CHRNA7: variants seen among roughly 807,000 people sequenced by gnomAD.
The protein encoded by CHRNA7 is cholinergic receptor nicotinic alpha 7 subunit.
In CHRNA7, 17 loss-of-function variants were observed where a neutral mutation model predicts 48.0. The ratio of observed to expected loss-of-function variants is 0.35; its 90% CI spans 0.24 to 0.53. CHRNA7 has a LOEUF of 0.53. CHRNA7 is among the 20% of genes least tolerant of loss of function. The pLI is 0.92. For missense variants in CHRNA7, 155 were observed against 577.7 expected, an observed-to-expected ratio of 0.27 and a Z score of 7.50; for synonymous variants, 75 against 242.3, an observed-to-expected ratio of 0.31 and a Z score of 6.41.
chr15:32,135,687 A>G (rs977762785), intron 4 of CHRNA7, among the ~76,000 whole-genome samples: 7 of 152,186 alleles, frequency 4.6e-5, no homozygotes, highest in Non-Finnish European at 8.8e-5. Context: ...ATGTAATAAT[A>G]TTGATGAAAA....
intron 4 of CHRNA7, among the ~76,000 whole-genome samples, chr15:32,137,357 G>A (rs1043226046): frequency 2.0e-5 from 3 of 149,314 alleles, no homozygotes; most frequent in African/African-American, 7.5e-5. Context: ...CACAAACACA[G>A]TAAGAAAAAC....
chr15:32,056,745 CT>C (rs1433851761), intron 2 of CHRNA7, among the ~76,000 whole-genome samples: 3 of 152,114 alleles, frequency 2.0e-5, no homozygotes, highest in Non-Finnish European at 4.4e-5. Flanking sequence ...TAACATTCTG[CT>C]TATGTTTCTA....
chr15:32,037,018 A>G (rs975030376), intron 2 of CHRNA7, among the ~76,000 whole-genome samples: 1 of 152,198 alleles, frequency 6.6e-6, no homozygotes, highest in Non-Finnish European at 1.5e-5. Flanking sequence ...ATCCAAGGTC[A>G]TACAGGTTTT....
intron 4 of CHRNA7, among the ~76,000 whole-genome samples, chr15:32,118,901 G>T (rs1286633840): frequency 6.6e-6 from 1 of 151,706 alleles, no homozygotes; most frequent in Non-Finnish European, 1.5e-5. Context: ...AACAGGCCCT[G>T]TGATATCAAG....
intron 3 of CHRNA7, 46 bp from the exon 4 acceptor site, chr15:32,111,744 A>G: frequency 8.8e-7 from 1 of 1,137,074 alleles, no homozygotes; most frequent in Non-Finnish European, 1.3e-6. Context: ...GAGAAATATT[A>G]GTAGCCAAGG....
chr15:32,102,072 A>G (rs1595447657), intron 3 of CHRNA7: 1 of 152,026 alleles, frequency 6.6e-6, no homozygotes, highest in Non-Finnish European at 1.5e-5. Context: ...TCTAGTTTCT[A>G]TACGGAATTT....
chr15:32,053,516 G>A (rs1324945369), intron 2 of CHRNA7, among the ~76,000 whole-genome samples: 1 of 152,128 alleles, frequency 6.6e-6, no homozygotes, highest in East Asian at 1.9e-4. Flanking sequence ...AATTCAAAAA[G>A]TATTGTAAAA....
chr15:32,031,169 A>C (rs1566788872), intron 2 of CHRNA7, 132 bp downstream of exon 2: 6 of 1,062,698 alleles, frequency 5.6e-6, no homozygotes, highest in Non-Finnish European at 8.2e-6. Flanking sequence ...AGGCAGGGCC[A>C]TGCTCTGAGT....
rs148536657 is a variant in CHRNA7 at position 32,167,499 on chromosome 15, A to G, written c.991-441A>G. The G allele has an allele frequency of 3.7e-3, 620 of 166,962 alleles. 14 individuals are homozygous for G. The highest frequency in any genetic ancestry group is 0.018 in the African/African-American group (588 of 33,574). The allele number at this position is 166,962 out of a possible 1,614,324, so 10.3% of individuals were successfully genotyped here. On this transcript the variant is annotated intron_variant, in intron 9 of 9. Coordinates refer to ENST00000306901, the MANE Select transcript of CHRNA7 (RefSeq NM_000746.6). ...ATCCTGGGATTGCATTTGAAAATGT[A>G]CAACCTCCCCCAGGCACTCTTTGCG...
chr15:32,139,042 C>G (rs1425141329), intron 4 of CHRNA7, among the ~76,000 whole-genome samples: 3 of 152,254 alleles, frequency 2.0e-5, no homozygotes, highest in Non-Finnish European at 4.4e-5. Context: ...GCGTGAGCCA[C>G]TGCGCCCGGC....
At chr15:32,137,335 A>ACCCC (rs75689039) in intron 4 of CHRNA7, among the ~76,000 whole-genome samples, 2 of 140,284 alleles carry the variant, frequency 1.4e-5, no homozygotes, top group African/African-American at 2.7e-5. Flanking sequence ...TGTTTACAAC[A>ACCCC]CCCCCCCCCC....
intron 2 of CHRNA7, among the ~76,000 whole-genome samples, chr15:32,093,264 G>A (rs7175581): frequency 0.36 from 54,913 of 151,974 alleles, 11,029 homozygotes; most frequent in East Asian, 0.59. Flanking sequence ...TCTCTGTTAG[G>A]GTCTGCTCTC....
At chr15:32,076,017 T>C (rs1230377740) in intron 2 of CHRNA7, among the ~76,000 whole-genome samples, 1 of 152,202 alleles carries the variant, frequency 6.6e-6, no homozygotes, top group Non-Finnish European at 1.5e-5. Context: ...TCTTCCATTG[T>C]TAATTTGATT....
intron 2 of CHRNA7, among the ~76,000 whole-genome samples, chr15:32,046,520 G>GT: frequency 7.4e-6 from 1 of 134,932 alleles, no homozygotes; most frequent in East Asian, 2.8e-4. Flanking sequence ...GGGGTTGTTT[G>GT]TTTTTTTCTT....
intron 4 of CHRNA7, among the ~76,000 whole-genome samples, chr15:32,144,673 A>C (rs1263034481): frequency 6.6e-6 from 1 of 152,142 alleles, no homozygotes; most frequent in Non-Finnish European, 1.5e-5. Flanking sequence ...TTTGATCTTC[A>C]AACACTGATA....
chr15:32,069,380 C>T (rs1459864628), intron 2 of CHRNA7, among the ~76,000 whole-genome samples: 3 of 152,130 alleles, frequency 2.0e-5, no homozygotes, highest in Non-Finnish European at 2.9e-5. Flanking sequence ...GCCTGATGGC[C>T]GAAACCTGTA....
At chr15:32,140,191 T>TGATAGTTTG (rs2051352801) in intron 4 of CHRNA7, among the ~76,000 whole-genome samples, 1 of 151,934 alleles carries the variant, frequency 6.6e-6, no homozygotes, top group Non-Finnish European at 1.5e-5. Flanking sequence ...TCTGTCCTTG[T>TGATAGTTTG]GATAGTTTGC....
chr15:32,091,755 A>C (rs139910285), intron 2 of CHRNA7, among the ~76,000 whole-genome samples: 543 of 152,324 alleles, frequency 3.6e-3, no homozygotes, highest in South Asian at 0.016. Flanking sequence ...ACTGGTCTCC[A>C]TACTCCTGCA....
At chr15:32,059,204 G>A (rs767611433) in intron 2 of CHRNA7, among the ~76,000 whole-genome samples, 22 of 151,932 alleles carry the variant, frequency 1.4e-4, no homozygotes, top group Non-Finnish European at 2.9e-4. Context: ...GGGTTTTACC[G>A]TGTTGGCCAG....
Sources: gnomAD v4.1 joint callset for allele counts (sites outside exome capture counted in the v4.1 genomes callset) on GRCh38, gnomAD v4.1.1 for gene constraint, MANE v1.5 for transcripts, NCBI Gene and HGNC (gene_info 2026-07-23, HGNC 2026-07-21) for gene names.